The following AOX1 variants were observed in gnomAD, a reference collection of about 807,000 sequenced individuals.
The protein encoded by AOX1 is aldehyde oxidase.
Under a neutral mutation model 169.5 loss-of-function variants are expected in AOX1, and 153 were observed. That is an observed-to-expected ratio of 0.90 (90% CI 0.79 to 1.03). The LOEUF is 1.03. Among genes scored for constraint, AOX1 ranks in the 50% least tolerant of loss-of-function variants. The pLI is 0.00. For synonymous variants in AOX1, 562 were observed against 581.9 expected, an observed-to-expected ratio of 0.97 and a Z score of 0.49; for missense variants, 1,656 against 1,663.9, an observed-to-expected ratio of 1.00 and a Z score of 0.08.
chr2:200,600,624 G>A (rs917306354), intron 5 of AOX1, among the ~76,000 whole-genome samples: 1 of 152,100 alleles, frequency 6.6e-6, no homozygotes. Context: ...GAGAACATGA[G>A]CCTAAAGCTC....
At chr2:200,648,978 T>G (rs1169144395) in intron 25 of AOX1, among the ~76,000 whole-genome samples, 1 of 151,828 alleles carries the variant, frequency 6.6e-6, no homozygotes, top group African/African-American at 2.4e-5. Flanking sequence ...AGGCAGACAG[T>G]GTGATGGGCT....
In AOX1 at chr2:200,595,308, G is replaced by T. The variant is rs2034259806; in HGVS notation, c.140G>T (p.Gly47Val). 1 of 1,613,148 alleles carries T rather than the reference G, an allele frequency of 6.2e-7. No individual in the cohort carries two copies. Among genetic ancestry groups the T allele is most frequent in the South Asian group, 1.1e-5 (1 of 91,034 alleles). The change falls in exon 3 of 35, where the codon GGA becomes GTA. Residue 47 changes from glycine (G) to valine (V), a missense_variant. Gly to Val is a moderately radical substitution (Grantham distance 109). Coordinates refer to ENST00000374700, the MANE Select transcript of AOX1 (RefSeq NM_001159.4). ...GGAACTAAGTATGGCTGTGGAGGAG[G>T]AGGCTGTGGTGCTTGTACAGTGATG... ...LTGTKYGCGGGGCGACTVMIS... is the reference protein window; with the variant it reads ...LTGTKYGCGGVGCGACTVMIS...
At chr2:200,639,991 C>T (rs553382903) in intron 23 of AOX1, among the ~76,000 whole-genome samples, 6 of 149,144 alleles carry the variant, frequency 4.0e-5, no homozygotes, top group Non-Finnish European at 5.9e-5. Flanking sequence ...GAGCCAAAAT[C>T]GCGCCACTGC....
intron 25 of AOX1, among the ~76,000 whole-genome samples, chr2:200,645,393 C>A (rs971864297): frequency 6.6e-6 from 1 of 152,142 alleles, no homozygotes; most frequent in African/African-American, 2.4e-5. Flanking sequence ...GTGTGTTAAA[C>A]CATCCCTGTA....
chr2:200,647,027 T>C (rs1409233144), intron 25 of AOX1, among the ~76,000 whole-genome samples: 2 of 152,238 alleles, frequency 1.3e-5, no homozygotes. Context: ...TCTGTGGTTC[T>C]GTATCTTTTA....
chr2:200,653,341 G>A (rs910842538), intron 26 of AOX1, among the ~76,000 whole-genome samples: 5 of 152,220 alleles, frequency 3.3e-5, no homozygotes, highest in Admixed American at 6.5e-5. Flanking sequence ...CATGCTAAAA[G>A]CCTCCATTCT....
chr2:200,604,593 GATATGT>G, intron 8 of AOX1, 97 bp from the exon 9 acceptor site: 1 of 1,219,326 alleles, frequency 8.2e-7, no homozygotes, highest in East Asian at 2.4e-5. Flanking sequence ...TTTTTTAGAA[GATATGT>G]ATTTTCTCAT....
chr2:200,604,160 T>G (rs1455146482), intron 8 of AOX1, 63 bp downstream of exon 8: 2 of 1,254,974 alleles, frequency 1.6e-6, no homozygotes, highest in Admixed American at 1.7e-5. Flanking sequence ...GGAAGGGTAT[T>G]TGTTTATGGG....
intron 30 of AOX1, among the ~76,000 whole-genome samples, chr2:200,661,849 C>A (rs1182383433): frequency 3.3e-5 from 5 of 152,056 alleles, no homozygotes; most frequent in Non-Finnish European, 7.4e-5. Flanking sequence ...AATAGGCACA[C>A]AAAATTCAGC....
rs1468204319 is a variant in AOX1, at chr2:200,661,565, C to A, written c.3376-14C>A. On this transcript the variant is annotated splice_polypyrimidine_tract_variant and intron_variant, in intron 29 of 34. Coordinates refer to ENST00000374700, the MANE Select transcript of AOX1 (RefSeq NM_001159.4). ...GGCATCCTTGTTGCATCATGCTATG[C>A]TCTTCCTTCACAGGCACAGACTGCT... The A allele has an allele frequency of 6.2e-7, 1 of 1,610,460 alleles. No homozygotes were observed. Among genetic ancestry groups the A allele is most frequent in the Non-Finnish European group, 8.5e-7 (1 of 1,177,242 alleles).
downstream of AOX1, among the ~76,000 whole-genome samples, chr2:200,673,277 C>T (rs2036052476): frequency 6.6e-6 from 1 of 152,214 alleles, no homozygotes; most frequent in African/African-American, 2.4e-5. Flanking sequence ...AGCTCTGGCT[C>T]TGTAAACCCA....
intron 32 of AOX1, among the ~76,000 whole-genome samples, chr2:200,667,720 G>A (rs2035948130): frequency 6.6e-6 from 1 of 151,902 alleles, no homozygotes; most frequent in Admixed American, 6.6e-5. Context: ...CATGAGGAGG[G>A]AGTCAGAGAG....
At chr2:200,616,505 G>T (rs1490213531) in intron 16 of AOX1, among the ~76,000 whole-genome samples, 1 of 152,234 alleles carries the variant, frequency 6.6e-6, no homozygotes, top group Non-Finnish European at 1.5e-5. Flanking sequence ...AAAAAGAACT[G>T]CTGATTTGTT....
intron 6 of AOX1, 137 bp downstream of exon 6, chr2:200,602,482 T>C (rs548636979): frequency 1.3e-6 from 1 of 757,160 alleles, no homozygotes; most frequent in South Asian, 1.8e-5. Context: ...CTGCTGTTTG[T>C]TATTTGATCT....
chr2:200,668,892 AT>A, intron 33 of AOX1, 89 bp downstream of exon 33: 1 of 1,140,412 alleles, frequency 8.8e-7, no homozygotes, highest in Non-Finnish European at 1.2e-6. Context: ...GCTGTTTGGG[AT>A]TTTTACCAGG....
chr2:200,631,385 A>G (rs140905745), intron 20 of AOX1, among the ~76,000 whole-genome samples: 1 of 152,228 alleles, frequency 6.6e-6, no homozygotes, highest in African/African-American at 2.4e-5. Context: ...AACAATCTGT[A>G]TAAAAGGATT....
chr2:200,653,595 C>T (rs565695813), intron 26 of AOX1, among the ~76,000 whole-genome samples: 30 of 152,350 alleles, frequency 2.0e-4, no homozygotes, highest in African/African-American at 6.0e-4. Context: ...CCGCCTTCAT[C>T]GTCCCACAGG....
At chr2:200,615,868 T>A in intron 15 of AOX1, 103 bp from the exon 16 acceptor site, 1 of 812,652 alleles carries the variant, frequency 1.2e-6, no homozygotes, top group South Asian at 1.6e-5. Flanking sequence ...TACGTGAGAC[T>A]TCAGAGTAGA....
intron 34 of AOX1, among the ~76,000 whole-genome samples, 165 bp from the exon 35 acceptor site, chr2:200,670,464 C>T (rs745345858): frequency 5.3e-4 from 80 of 152,086 alleles, no homozygotes; most frequent in Non-Finnish European, 1.6e-4. Flanking sequence ...AGGACCTCTC[C>T]AGTCCTCCCC....
Sources: allele counts gnomAD v4.1 joint callset (sites outside exome capture counted in the v4.1 genomes callset), GRCh38; gene constraint gnomAD v4.1.1; transcripts MANE v1.5; gene names NCBI Gene and HGNC (gene_info 2026-07-23, HGNC 2026-07-21).